Variants in SKAP1 observed in about 807,000 individuals in gnomAD.
SKAP1 encodes src kinase-associated phosphoprotein 1.
In SKAP1, 44 loss-of-function variants were observed where a neutral mutation model predicts 58.5. The ratio of observed to expected loss-of-function variants is 0.75; its 90% CI spans 0.59 to 0.97. SKAP1 has a LOEUF of 0.97. Ranked by LOEUF, SKAP1 falls within the 50% of genes least tolerant of loss-of-function variation. The probability of loss-of-function intolerance (pLI) is 0.00; values close to 1 mark genes in which losing one functional copy is unlikely to be tolerated. For missense variants in SKAP1, 390 were observed against 435.2 expected (o/e 0.90, Z 0.92); for synonymous variants, 127 against 149.7 (o/e 0.85, Z 1.11).
At chr17:48,436,676 CT>C in the SKAP1 span, among the ~76,000 whole-genome samples, 1 of 152,114 alleles carries the variant, frequency 6.6e-6, no homozygotes. Flanking sequence ...CCTTTCACCC[CT>C]CTACCTCCTC....
intron 4 of SKAP1, among the ~76,000 whole-genome samples, chr17:48,200,896 A>G (rs953379830): frequency 3.3e-5 from 5 of 152,200 alleles, no homozygotes; most frequent in African/African-American, 1.2e-4. Context: ...GGCCTCGTAC[A>G]CACAGTAGGT....
At chr17:48,327,215 A>G (rs1233734142) in intron 4 of SKAP1, among the ~76,000 whole-genome samples, 1 of 152,144 alleles carries the variant, frequency 6.6e-6, no homozygotes, top group African/African-American at 2.4e-5. Context: ...CGTAGGCAAA[A>G]GGTTTATGGT....
intron 4 of SKAP1, among the ~76,000 whole-genome samples, chr17:48,343,861 G>A (rs1165463158): frequency 6.6e-6 from 1 of 152,162 alleles, no homozygotes; most frequent in Non-Finnish European, 1.5e-5. Context: ...AAGAGCAGAG[G>A]TTTTAGAACC....
intron 10 of SKAP1, among the ~76,000 whole-genome samples, chr17:48,170,229 T>C (rs2143359055): frequency 6.6e-6 from 1 of 152,328 alleles, no homozygotes; most frequent in South Asian, 2.1e-4. Flanking sequence ...ACTTGCAATC[T>C]CCGGGCCTCT....
At chr17:48,394,268 C>T (rs1380185214) in intron 2 of SKAP1, among the ~76,000 whole-genome samples, 1 of 151,982 alleles carries the variant, frequency 6.6e-6, no homozygotes, top group African/African-American at 2.4e-5. Context: ...AAAAGAAACC[C>T]TTTTAAATGA....
chr17:48,360,969 G>T (rs143552920), intron 3 of SKAP1, among the ~76,000 whole-genome samples: 118 of 152,010 alleles, frequency 7.8e-4, no homozygotes, highest in Non-Finnish European at 1.3e-3. Flanking sequence ...ATGGGCTCTC[G>T]ACCTCTGGAG....
At chr17:48,283,343 C>T (rs2065791611) in intron 4 of SKAP1, among the ~76,000 whole-genome samples, 2 of 152,160 alleles carry the variant, frequency 1.3e-5, no homozygotes, top group South Asian at 4.1e-4. Flanking sequence ...AATTTAGATG[C>T]ATATATCATT....
In SKAP1 at chr17:48,316,537, G is replaced by T. The variant is rs1224126594; in HGVS notation, c.280+29368C>A. Among the ~76,000 whole-genome samples, 5 of 151,982 alleles carry T rather than the reference G, an allele frequency of 3.3e-5. No individual in the cohort carries two copies. The East Asian group carries it at 9.6e-4, about 29-fold the overall frequency. ...CTTTCAGTCTTTTTTGTTGTGTTTA[G>T]TTTCAGACCATTTACCATGGCTTGA... On this transcript the variant is annotated intron_variant, in intron 4 of 12. Transcript: ENST00000336915.
chr17:48,177,556 C>T (rs886606305), intron 9 of SKAP1, among the ~76,000 whole-genome samples: 2 of 152,060 alleles, frequency 1.3e-5, no homozygotes, highest in Admixed American at 6.5e-5. Context: ...GCCTAGGATA[C>T]CATTGCTGTC....
At chr17:48,212,864 A>G (rs1159802099) in intron 4 of SKAP1, among the ~76,000 whole-genome samples, 2 of 152,116 alleles carry the variant, frequency 1.3e-5, no homozygotes, top group Non-Finnish European at 2.9e-5. Context: ...TGCTAAGGAG[A>G]CGAAGGTGAC....
chr17:48,189,949 A>G (rs1184943660), intron 4 of SKAP1, among the ~76,000 whole-genome samples: 1 of 152,048 alleles, frequency 6.6e-6, no homozygotes, highest in African/African-American at 2.4e-5. Context: ...AAATGCTGGG[A>G]TTACAGACGT....
intron 2 of SKAP1, among the ~76,000 whole-genome samples, chr17:48,379,585 TAA>T (rs925594556): frequency 1.3e-5 from 2 of 152,168 alleles, no homozygotes; most frequent in African/African-American, 4.8e-5. Context: ...ACACTTTTCC[TAA>T]ATTCGTACCA....
At chr17:48,324,268 T>C (rs1269984790) in intron 4 of SKAP1, among the ~76,000 whole-genome samples, 1 of 152,130 alleles carries the variant, frequency 6.6e-6, no homozygotes, top group African/African-American at 2.4e-5. Flanking sequence ...AATATGACTC[T>C]TCTACTGACA....
At chr17:48,369,415 T>TG (rs2067055570) in intron 2 of SKAP1, among the ~76,000 whole-genome samples, 1 of 150,060 alleles carries the variant, frequency 6.7e-6, no homozygotes, top group African/African-American at 2.5e-5. Flanking sequence ...TGCATGAGCC[T>TG]GCGAGGTTGA....
At chr17:48,283,025 T>A (rs1356578296) in intron 4 of SKAP1, among the ~76,000 whole-genome samples, 1 of 152,172 alleles carries the variant, frequency 6.6e-6, no homozygotes. Context: ...AAGAAGATGT[T>A]TGGGAGAGTC....
At position 48,421,502 on chromosome 17, in the gene SKAP1, A is replaced by G. The variant is rs551925481; in HGVS notation, c.46+8573T>C. Among the ~76,000 whole-genome samples, 74 of 152,024 alleles carry G rather than the reference A, an allele frequency of 4.9e-4. 1 individual carries two copies. Among genetic ancestry groups the G allele is most frequent in the Admixed American group, 1.3e-3 (20 of 15,272 alleles). ...GTATTTTTAGTAGAGACGGGGTTTC[A>G]CCATCTTGGCCAGGCTGGTCTCGAA... On this transcript the variant is annotated intron_variant, in intron 1 of 12. Transcript: ENST00000336915.
At chr17:48,419,872 C>T (rs1259891618) in intron 1 of SKAP1, among the ~76,000 whole-genome samples, 2 of 152,146 alleles carry the variant, frequency 1.3e-5, no homozygotes, top group Non-Finnish European at 2.9e-5. Context: ...AATGAGAATT[C>T]AAATAATTCA....
intron 2 of SKAP1, among the ~76,000 whole-genome samples, chr17:48,376,121 G>A (rs990708585): frequency 2.0e-5 from 3 of 146,384 alleles, no homozygotes; most frequent in East Asian, 1.9e-4. Context: ...CACTGTTGAC[G>A]CTTAAAAACC....
At chr17:48,374,530 C>T (rs891459543) in intron 2 of SKAP1, among the ~76,000 whole-genome samples, 1 of 152,128 alleles carries the variant, frequency 6.6e-6, no homozygotes, top group Admixed American at 6.5e-5. Context: ...AGGATTCAGA[C>T]GGACACCTAG....
Sources: gnomAD v4.1 joint callset for allele counts (sites outside exome capture counted in the v4.1 genomes callset) on GRCh38, gnomAD v4.1.1 for gene constraint, MANE v1.5 for transcripts, NCBI Gene and HGNC (gene_info 2026-07-23, HGNC 2026-07-21) for gene names.